FOXP2: variants seen among roughly 807,000 people sequenced by gnomAD.
The protein encoded by FOXP2 is forkhead box P2.
Under a neutral mutation model 115.8 loss-of-function variants are expected in FOXP2, and 12 were observed. That is an observed-to-expected ratio of 0.10 (90% confidence interval 0.07 to 0.17). The LOEUF is 0.17. Among genes scored for constraint, FOXP2 ranks in the 10% least tolerant of loss-of-function variants. FOXP2 has a pLI of 1.00. For synonymous variants in FOXP2, 328 were observed against 297.7 expected, an observed-to-expected ratio of 1.10 and a Z score of -1.05; for missense variants, 629 against 843.5, an observed-to-expected ratio of 0.75 and a Z score of 3.15.
intron 1 of FOXP2, among the ~76,000 whole-genome samples, chr7:114,236,743 G>A (rs1795016170): frequency 6.6e-6 from 1 of 152,336 alleles, no homozygotes; most frequent in South Asian, 2.1e-4. Context: ...TCGAGGGGCT[G>A]AGGTGGGTGG....
intron 2 of FOXP2, among the ~76,000 whole-genome samples, chr7:114,462,278 A>G (rs1395861963): frequency 1.2e-4 from 5 of 42,442 alleles, no homozygotes; most frequent in African/African-American, 2.7e-4. Context: ...AGACTCCGTG[A>G]AAAAAAAAAA....
intron 16 of FOXP2, among the ~76,000 whole-genome samples, chr7:114,677,305 G>A (rs1429287599): frequency 6.6e-6 from 1 of 152,066 alleles, no homozygotes; most frequent in Non-Finnish European, 1.5e-5. Flanking sequence ...CATAAGTGAT[G>A]ACAGTATATA....
intron 1 of FOXP2, among the ~76,000 whole-genome samples, chr7:114,259,887 T>C (rs998793160): frequency 1.3e-5 from 2 of 152,056 alleles, no homozygotes; most frequent in Admixed American, 6.6e-5. Context: ...TGAATGTATA[T>C]TTTTGTTGTT....
At chr7:114,126,567 T>G (rs1243052013) in intron 1 of FOXP2, among the ~76,000 whole-genome samples, 1 of 152,196 alleles carries the variant, frequency 6.6e-6, no homozygotes. Context: ...GTTCTTATAG[T>G]GACATGTGGG....
chr7:114,114,945 T>C (rs548592053), intron 1 of FOXP2, among the ~76,000 whole-genome samples: 1 of 152,314 alleles, frequency 6.6e-6, no homozygotes, highest in South Asian at 2.1e-4. Context: ...AATTGAAAAT[T>C]TGAAAACGTT....
chr7:114,256,240 T>A (rs1244162530), intron 1 of FOXP2, among the ~76,000 whole-genome samples: 2 of 151,998 alleles, frequency 1.3e-5, no homozygotes, highest in Admixed American at 1.3e-4. Context: ...GTAGCTGGGA[T>A]TACAGGCATG....
intron 2 of FOXP2, among the ~76,000 whole-genome samples, chr7:114,512,401 A>G (rs932386882): frequency 6.6e-6 from 1 of 152,158 alleles, no homozygotes. Context: ...ATTTATAACC[A>G]TAACATGACT....
Position 114,426,525 on chromosome 7 carries a change from C to A in FOXP2, c.14C>A (p.Ser5Tyr), listed in dbSNP as rs1793858227. Reference sequence around the variant, plus strand: ...AGGTATTAAGTCATGATGCAGGAATCTGCGACAGAGACAATAAGCAACAGT... The same window carrying A: ...AGGTATTAAGTCATGATGCAGGAATATGCGACAGAGACAATAAGCAACAGT... MMQE[S>Y]ATETISNSSM... Residue 5 changes from serine (S) to tyrosine (Y), a missense_variant, in exon 2 of 17, where the codon TCT becomes TAT. Ser to Tyr is a moderately radical substitution (Grantham distance 144). Coordinates refer to ENST00000350908, the MANE Select transcript of FOXP2 (RefSeq NM_014491.4). The A allele has an allele frequency of 4.3e-6, 7 of 1,610,884 alleles. No individual in the cohort carries two copies. The highest frequency in any genetic ancestry group is 1.7e-5 in the Admixed American group (1 of 59,688).
chr7:114,513,392 G>T (rs1379168826), intron 2 of FOXP2, among the ~76,000 whole-genome samples: 1 of 152,052 alleles, frequency 6.6e-6, no homozygotes, highest in Non-Finnish European at 1.5e-5. Context: ...AATTTACCTA[G>T]TAAAGAAGTA....
intron 2 of FOXP2, among the ~76,000 whole-genome samples, chr7:114,516,697 T>G (rs1053933861): frequency 3.3e-5 from 5 of 150,398 alleles, no homozygotes; most frequent in Non-Finnish European, 7.4e-5. Flanking sequence ...TTGTTTTTTG[T>G]TTTTTGTTTT....
chr7:114,536,883 T>C (rs530719468), intron 3 of FOXP2, among the ~76,000 whole-genome samples: 6 of 151,650 alleles, frequency 4.0e-5, no homozygotes, highest in African/African-American at 1.2e-4. Context: ...CTGCAATTAA[T>C]AAAATGTGAG....
intron 1 of FOXP2, among the ~76,000 whole-genome samples, chr7:114,232,192 A>AAAAAC (rs1187530919): frequency 6.6e-6 from 1 of 152,174 alleles, no homozygotes; most frequent in African/African-American, 2.4e-5. Flanking sequence ...GGCCATTATA[A>AAAAAC]AAAACAAAAC....
chr7:114,247,921 A>G (rs964475053), intron 1 of FOXP2, among the ~76,000 whole-genome samples: 1 of 152,162 alleles, frequency 6.6e-6, no homozygotes, highest in Non-Finnish European at 1.5e-5. Context: ...GCGGATGTGC[A>G]GACACACACA....
At chr7:114,353,347 T>C (rs1465675216) in intron 2 of FOXP2, among the ~76,000 whole-genome samples, 2 of 140,752 alleles carry the variant, frequency 1.4e-5, no homozygotes, top group South Asian at 2.3e-4. Context: ...TTTTTTTTTT[T>C]TTTTTTTTTT....
intron 3 of FOXP2, among the ~76,000 whole-genome samples, chr7:114,574,996 C>A (rs1801502714): frequency 6.6e-6 from 1 of 151,940 alleles, no homozygotes; most frequent in East Asian, 1.9e-4. Flanking sequence ...AATGGGGATG[C>A]TGGGTTGGAA....
chr7:114,447,403 G>A (rs1197598687), intron 2 of FOXP2, among the ~76,000 whole-genome samples: 3 of 152,052 alleles, frequency 2.0e-5, no homozygotes, highest in Non-Finnish European at 4.4e-5. Flanking sequence ...ACTGTGCCTA[G>A]CAAGGCTTAT....
chr7:114,095,049 A>G (rs550249700), intron 1 of FOXP2, among the ~76,000 whole-genome samples: 118 of 152,332 alleles, frequency 7.7e-4, no homozygotes, highest in Non-Finnish European at 1.3e-3. Context: ...AATAATGCAT[A>G]TAAGACTGAG....
intron 1 of FOXP2, among the ~76,000 whole-genome samples, chr7:114,239,927 C>T (rs1245081078): frequency 3.3e-5 from 5 of 152,110 alleles, no homozygotes; most frequent in Admixed American, 6.6e-5. Context: ...GTATATGGCA[C>T]GCCTGATTTG....
chr7:114,467,833 A>G (rs1795878907), intron 2 of FOXP2, among the ~76,000 whole-genome samples: 1 of 152,156 alleles, frequency 6.6e-6, no homozygotes, highest in African/African-American at 2.4e-5. Flanking sequence ...TTTGGAGTGG[A>G]TCTGATTTGG....
Sources: allele counts gnomAD v4.1 joint callset (sites outside exome capture counted in the v4.1 genomes callset), GRCh38; gene constraint gnomAD v4.1.1; transcripts MANE v1.5; gene names NCBI Gene and HGNC (gene_info 2026-07-23, HGNC 2026-07-21).